Variants in KDM4C observed in about 807,000 individuals in gnomAD.
The protein encoded by KDM4C is lysine demethylase 4C, also known as lysine-specific demethylase 4C.
KDM4C carries 81 observed loss-of-function variants against 129.3 expected under a neutral mutation model. The ratio of observed to expected loss-of-function variants is 0.63; its 90% confidence interval spans 0.52 to 0.75. KDM4C has a LOEUF of 0.75. Among genes scored for constraint, KDM4C ranks in the 30% least tolerant of loss-of-function variants. The pLI is 0.00. For synonymous variants in KDM4C, 573 were observed against 456.1 expected (o/e 1.26, Z -3.26); for missense variants, 1,457 against 1,304.0 (o/e 1.12, Z -1.81).
At chr9:7,118,847 C>T (rs1040536110) in intron 18 of KDM4C, among the ~76,000 whole-genome samples, 2 of 152,170 alleles carry the variant, frequency 1.3e-5, no homozygotes, top group African/African-American at 2.4e-5. Context: ...GCCCATGACT[C>T]ATCCTGCTAG....
chr9:6,747,164 G>C (rs914504817), intron 1 of KDM4C, among the ~76,000 whole-genome samples: 8 of 151,638 alleles, frequency 5.3e-5, no homozygotes, highest in Non-Finnish European at 1.2e-4. Flanking sequence ...CTGCACTTCA[G>C]CCCGGGTGAT....
At chr9:6,825,887 A>G (rs1396530985) in intron 4 of KDM4C, among the ~76,000 whole-genome samples, 2 of 152,116 alleles carry the variant, frequency 1.3e-5, no homozygotes, top group African/African-American at 4.8e-5. Context: ...CACAGCTCAC[A>G]GCAGCCTCCA....
At chr9:6,762,454 G>A (rs1450815453) in intron 1 of KDM4C, among the ~76,000 whole-genome samples, 1 of 152,020 alleles carries the variant, frequency 6.6e-6, no homozygotes, top group Non-Finnish European at 1.5e-5. Context: ...TTACAGGTGT[G>A]AGCCACTGTG....
At chr9:7,012,974 A>G (rs1586907144) in intron 13 of KDM4C, among the ~76,000 whole-genome samples, 2 of 152,184 alleles carry the variant, frequency 1.3e-5, no homozygotes, top group East Asian at 3.8e-4. Flanking sequence ...AGAGGAAATA[A>G]TTTATTCCCT....
chr9:6,948,985 T>C (rs1169137887), intron 8 of KDM4C, among the ~76,000 whole-genome samples: 6 of 152,220 alleles, frequency 3.9e-5, no homozygotes, highest in Non-Finnish European at 5.9e-5. Flanking sequence ...CCCGTTCTCA[T>C]TGAGCTGTTG....
intron 8 of KDM4C, among the ~76,000 whole-genome samples, chr9:6,969,519 C>T (rs891310114): frequency 6.6e-6 from 1 of 152,106 alleles, no homozygotes; most frequent in Non-Finnish European, 1.5e-5. Context: ...TTGGCAGATC[C>T]TTATATATAC....
chr9:6,855,774 A>G (rs562306512), intron 5 of KDM4C, among the ~76,000 whole-genome samples: 1 of 152,374 alleles, frequency 6.6e-6, no homozygotes, highest in East Asian at 1.9e-4. Flanking sequence ...ACTTTTTAAA[A>G]GAATGAGCAA....
intron 5 of KDM4C, among the ~76,000 whole-genome samples, chr9:6,865,961 GC>G (rs1244023499): frequency 2.6e-5 from 4 of 152,004 alleles, no homozygotes; most frequent in Non-Finnish European, 1.5e-5. Flanking sequence ...CCCCGTGTTA[GC>G]CAGGATGGTC....
Position 6,752,250 on chromosome 9 carries a change from G to A in KDM4C, c.49+31253G>A, listed in dbSNP as rs548024341. On this transcript the variant is annotated intron_variant, in intron 1 of 17. Coordinates refer to the KDM4C transcript ENST00000536108. Reference sequence around the variant, plus strand: ...CGGGAGGCTGAGGCAGGAGAATGGCGTGAACCCGGGAGGCGGAGCTTGCAG... The same window carrying A: ...CGGGAGGCTGAGGCAGGAGAATGGCATGAACCCGGGAGGCGGAGCTTGCAG... Among the ~76,000 whole-genome samples, 1,030 of 139,004 alleles carry A rather than the reference G, an allele frequency of 7.4e-3. 15 individuals carry two copies. The highest frequency in any genetic ancestry group is 0.027 in the African/African-American group (969 of 36,564). The allele number at this position is 139,004 out of a possible 152,430, so 91.2% of individuals were successfully genotyped here.
In KDM4C at chr9:6,792,992, G is replaced by C. The variant is rs781265024; in HGVS notation, c.4G>C (p.Glu2Gln). 1 of 1,614,170 alleles carries C rather than the reference G, an allele frequency of 6.2e-7. No individual in the cohort carries two copies. Among genetic ancestry groups the C allele is most frequent in the East Asian group, 2.2e-5 (1 of 44,886 alleles). Residue 2 changes from glutamate (E) to glutamine (Q), a missense_variant, in exon 2 of 22, where the codon GAG becomes CAG. Transcript: ENST00000381309. The part of the protein sequence containing the change: M[E>Q]VAEVESPLNP... The stretch of plus-strand genomic sequence containing the variant: ...TCCAGACACTGCCCTAACCATCATG[G>C]AGGTGGCCGAGGTGGAAAGTCCTCT...
At chr9:7,103,422 GTGTT>G (rs1837323713) in intron 17 of KDM4C, among the ~76,000 whole-genome samples, 1 of 152,206 alleles carries the variant, frequency 6.6e-6, no homozygotes, top group Admixed American at 6.5e-5. Context: ...ATGTGCGAAA[GTGTT>G]TGGCTTTCCT....
chr9:7,113,044 T>C (rs570628094), intron 18 of KDM4C, among the ~76,000 whole-genome samples: 1 of 152,328 alleles, frequency 6.6e-6, no homozygotes, highest in African/African-American at 2.4e-5. Flanking sequence ...CTACATAAGC[T>C]TTTTAACAAA....
chr9:7,018,155 G>A (rs998348808), intron 15 of KDM4C, among the ~76,000 whole-genome samples: 1 of 152,192 alleles, frequency 6.6e-6, no homozygotes, highest in African/African-American at 2.4e-5. Context: ...AACCTGGATG[G>A]TATAGCCTGC....
intron 4 of KDM4C, among the ~76,000 whole-genome samples, chr9:6,821,342 G>A (rs1178522438): frequency 2.0e-5 from 3 of 152,190 alleles, no homozygotes; most frequent in African/African-American, 4.8e-5. Flanking sequence ...CACCAACAGT[G>A]TAAAAGCGTT....
chr9:7,127,482 T>A (rs1312851687), intron 18 of KDM4C, among the ~76,000 whole-genome samples: 1 of 152,180 alleles, frequency 6.6e-6, no homozygotes, highest in East Asian at 1.9e-4. Context: ...ACACATGCTT[T>A]ATTAAAAAGC....
chr9:7,073,209 A>G (rs1833450679), intron 17 of KDM4C, among the ~76,000 whole-genome samples: 1 of 152,198 alleles, frequency 6.6e-6, no homozygotes, highest in African/African-American at 2.4e-5. Context: ...CCGATCTAAC[A>G]TAGCTATTTC....
intron 17 of KDM4C, among the ~76,000 whole-genome samples, chr9:7,094,749 G>C (rs549970740): frequency 6.6e-6 from 1 of 152,196 alleles, no homozygotes; most frequent in Non-Finnish European, 1.5e-5. Context: ...TTTCATCACT[G>C]TTTCCTCAGT....
At chr9:6,841,539 A>T (rs62535660) in intron 4 of KDM4C, among the ~76,000 whole-genome samples, 2 of 152,114 alleles carry the variant, frequency 1.3e-5, no homozygotes, top group African/African-American at 4.8e-5. Flanking sequence ...CAGTTTATCA[A>T]TTTTTCTGTA....
At chr9:6,783,139 C>T (rs1168434503) in intron 1 of KDM4C, among the ~76,000 whole-genome samples, 1 of 152,148 alleles carries the variant, frequency 6.6e-6, no homozygotes, top group Non-Finnish European at 1.5e-5. Context: ...TCCCACTGTT[C>T]TTGTTCTAAA....
Sources: allele counts gnomAD v4.1 joint callset (sites outside exome capture counted in the v4.1 genomes callset), GRCh38; gene constraint gnomAD v4.1.1; transcripts MANE v1.5; gene names NCBI Gene and HGNC (gene_info 2026-07-23, HGNC 2026-07-21).